The following PWWP2A variants were observed in gnomAD, a reference collection of about 807,000 sequenced individuals.
PWWP2A encodes the protein PWWP domain-containing protein 2A.
PWWP2A carries 18 observed loss-of-function variants against 48.5 expected under a neutral mutation model. The ratio of observed to expected loss-of-function variants is 0.37; its 90% confidence interval spans 0.26 to 0.55. PWWP2A has a LOEUF of 0.55. PWWP2A is among the 20% of genes least tolerant of loss of function. The pLI, the probability that PWWP2A is intolerant of heterozygous loss-of-function variation, is 0.81. For synonymous variants in PWWP2A, 396 were observed against 387.7 expected (o/e 1.02, Z -0.25); for missense variants, 867 against 976.4 (o/e 0.89, Z 1.49).
chr5:160,070,576 G>A (rs1412457156), intron 2 of PWWP2A, among the ~76,000 whole-genome samples: 1 of 152,178 alleles, frequency 6.6e-6, no homozygotes, highest in Non-Finnish European at 1.5e-5. Context: ...TTAGCCTTTT[G>A]CTCCTTGTCC....
intron 5 of PWWP2A, among the ~76,000 whole-genome samples, chr5:160,063,211 G>C (rs935115307): frequency 6.6e-6 from 1 of 152,168 alleles, no homozygotes; most frequent in Non-Finnish European, 1.5e-5. Context: ...AGTTATTAGG[G>C]AGGCCTGTAA....
chr5:160,092,687 C>T lies in PWWP2A; in HGVS notation c.1963G>A (p.Val655Ile), dbSNP rs1755204011. Residue 655 changes from valine to isoleucine, a missense_variant, in exon 2 of 2, where the codon GTA becomes ATA. This residue lies in a region of PWWP2A where 97 missense variants were observed against 151.7 expected (regional missense o/e 0.64). Coordinates refer to ENST00000307063, the MANE Select transcript of PWWP2A (RefSeq NM_001130864.2). ...ATCTTGGCCCAAACAATGTCCCCTA[C>T]ACATATGGTCCTGCCATCTGGTGTG... is the stretch of plus-strand genomic sequence containing the variant. ...CVTPDGRTIC[V>I]GDIVWAKIYG... 2 of 1,551,680 alleles carry T rather than the reference C, an allele frequency of 1.3e-6. No homozygotes were observed. The highest frequency in any genetic ancestry group is 1.7e-6 in the Non-Finnish European group (2 of 1,146,988).
intron 1 of PWWP2A, among the ~76,000 whole-genome samples, chr5:160,107,159 A>G (rs1756987531): frequency 6.6e-6 from 1 of 152,102 alleles, no homozygotes; most frequent in South Asian, 2.1e-4. Context: ...GGCTTAACAA[A>G]TTGATTGTTC....
intron 1 of PWWP2A, among the ~76,000 whole-genome samples, chr5:160,115,133 C>CT (rs1554106054): frequency 2.2e-5 from 2 of 92,080 alleles, no homozygotes; most frequent in African/African-American, 1.1e-4. Context: ...GAGGGAGACT[C>CT]TGTCAAAAAA....
rs115635826 is a variant in PWWP2A, at chr5:160,098,689, C to T, written c.585-4624G>A. Among the ~76,000 whole-genome samples the T allele has an allele frequency of 9.5e-3, 1,440 of 152,290 alleles. 17 individuals are homozygous for T. Among genetic ancestry groups the T allele is most frequent in the African/African-American group, 0.032 (1,345 of 41,556 alleles). On this transcript the variant is annotated intron_variant, in intron 1 of 1. Transcript: ENST00000307063. ...CTAAGTAGGCTAAAATGTTTGAGAA[C>T]CACTAACCTATGAAACTATAAACTT...
chr5:160,074,453 A>G (rs1753819464), downstream of PWWP2A, among the ~76,000 whole-genome samples: 1 of 150,948 alleles, frequency 6.6e-6, no homozygotes, highest in African/African-American at 2.4e-5. Context: ...AAATAAATAA[A>G]TAAATAAATA....
chr5:160,106,472 T>C (rs140935808), intron 1 of PWWP2A, among the ~76,000 whole-genome samples: 92 of 152,102 alleles, frequency 6.0e-4, no homozygotes, highest in Middle Eastern at 3.4e-3. Flanking sequence ...AAAGTAAAAC[T>C]TGGCAACCTT....
chr5:160,114,591 C>T (rs763635100), intron 1 of PWWP2A, among the ~76,000 whole-genome samples: 7 of 151,942 alleles, frequency 4.6e-5, no homozygotes, highest in Admixed American at 6.6e-5. Flanking sequence ...CAGTAAAACC[C>T]CGTCTCCACA....
intron 1 of PWWP2A, among the ~76,000 whole-genome samples, chr5:160,096,893 C>A (rs1035040464): frequency 6.6e-6 from 1 of 152,160 alleles, no homozygotes; most frequent in African/African-American, 2.4e-5. Context: ...CCTCTAAACT[C>A]ATTTTTGCAT....
At position 160,085,407 on chromosome 5, in the gene PWWP2A, T is replaced by C. The variant is rs189803690; in HGVS notation, c.1550-4637A>G. Among the ~76,000 whole-genome samples the C allele has an allele frequency of 1.1e-3, 165 of 152,312 alleles. 1 individual carries two copies. The highest frequency in any genetic ancestry group is 3.9e-3 in the African/African-American group (161 of 41,570). On this transcript the variant is annotated intron_variant, in intron 2 of 3. Transcript: ENST00000456329. ...AGTATTTGGCTTTTCCTTGTAGATA[T>C]TGACAACCAGGATAGAAAAAGTTAT...
chr5:160,050,979 T>G, the PWWP2A span: 6 of 561,234 alleles, frequency 1.1e-5, no homozygotes, highest in Non-Finnish European at 1.7e-5. Flanking sequence ...TACTTGGGGT[T>G]TTTTTTTTTT....
At chr5:160,109,227 AC>A (rs1757198131) in intron 1 of PWWP2A, among the ~76,000 whole-genome samples, 1 of 151,772 alleles carries the variant, frequency 6.6e-6, no homozygotes. Context: ...CAAGTGATCC[AC>A]CCACCTCAGC....
chr5:160,101,873 G>T (rs1022656068), intron 1 of PWWP2A, among the ~76,000 whole-genome samples: 2 of 151,910 alleles, frequency 1.3e-5, no homozygotes, highest in Non-Finnish European at 2.9e-5. Context: ...CACTTTGGGA[G>T]GCCAAGGCAG....
At chr5:160,054,408 G>A in the PWWP2A span, among the ~76,000 whole-genome samples, 508 of 152,310 alleles carry the variant, frequency 3.3e-3, 3 homozygotes, top group African/African-American at 0.012. Context: ...GAGCCCAGCA[G>A]TTCGAGACCA....
At chr5:160,054,172 G>A in the PWWP2A span, among the ~76,000 whole-genome samples, 1 of 152,200 alleles carries the variant, frequency 6.6e-6, no homozygotes, top group Non-Finnish European at 1.5e-5. Context: ...GGACTTAAGG[G>A]TATGTGTGGT....
At chr5:160,100,626 C>A (rs957867186) in intron 1 of PWWP2A, among the ~76,000 whole-genome samples, 1 of 152,062 alleles carries the variant, frequency 6.6e-6, no homozygotes, top group Non-Finnish European at 1.5e-5. Context: ...AAGAAAAAAA[C>A]AATAATATCC....
Position 160,092,784 on chromosome 5 carries a change from AGAG to A in PWWP2A, c.1863_1865del (p.Ser623del), listed in dbSNP as rs1351409651. ...TACTGAGCTTTTTCTCTTCCTTTGA[AGAG>A]GAGGAAGTGGAGGAGGTGGAAGGTG... On this transcript the variant is annotated inframe_deletion, in exon 2 of 2. Transcript: ENST00000307063. The A allele has an allele frequency of 1.9e-6, 3 of 1,551,660 alleles. No homozygotes were observed. The highest frequency in any genetic ancestry group is 2.6e-6 in the Non-Finnish European group (3 of 1,146,978).
At chr5:160,091,282 A>G, downstream of PWWP2A, 1 of 977,814 alleles carries the variant, frequency 1.0e-6, no homozygotes. Context: ...CTTACAAAGA[A>G]TAATTTTCTA....
chr5:160,118,494 AGTGACG>A (rs1245856519), intron 1 of PWWP2A, among the ~76,000 whole-genome samples: 1 of 120,966 alleles, frequency 8.3e-6, no homozygotes, highest in African/African-American at 3.1e-5. Context: ...CCACCCGCCC[AGTGACG>A]GTGACTCCAG....
Sources: gnomAD v4.1 joint callset for allele counts (sites outside exome capture counted in the v4.1 genomes callset) on GRCh38, gnomAD v4.1.1 for gene constraint, gnomAD v4.1.1 regional missense constraint, MANE v1.5 for transcripts, NCBI Gene and HGNC (gene_info 2026-07-23, HGNC 2026-07-21) for gene names.